Variants in PPM1H observed in about 807,000 individuals in gnomAD.
The protein encoded by PPM1H is protein phosphatase 1H.
Under a neutral mutation model 54.9 loss-of-function variants are expected in PPM1H, and 27 were observed. That is an observed-to-expected ratio of 0.49 (90% CI 0.36 to 0.68). The LOEUF (loss-of-function observed/expected upper bound fraction) is 0.68. PPM1H is among the 30% of genes least tolerant of loss of function. PPM1H has a pLI of 0.00. For missense variants in PPM1H, 596 were observed against 667.8 expected (o/e 0.89, Z 1.19); for synonymous variants, 305 against 270.8 (o/e 1.13, Z -1.24).
intron 1 of PPM1H, among the ~76,000 whole-genome samples, chr12:62,911,855 C>A (rs1303010175): frequency 6.6e-6 from 1 of 152,184 alleles, no homozygotes; most frequent in Non-Finnish European, 1.5e-5. Context: ...TTGGTTAGCC[C>A]TCTCATCCTG....
rs757417572 is a variant in PPM1H, at chr12:62,648,605, G to C, written c.1429C>G (p.Arg477Gly). The change falls in exon 10 of 10, where the codon CGT becomes GGT. Residue 477 changes from arginine (R) to glycine (G), a missense_variant. Coordinates refer to ENST00000228705, the MANE Select transcript of PPM1H (RefSeq NM_020700.2). ...YTLAAQDLVM[R>G]ARGVLKDRGW... The stretch of plus-strand genomic sequence containing the variant: ...CTGTCCTTCAGCACACCCCGGGCAC[G>C]CATCACCAGGTCCTGAGCTGCCAGT... The C allele has an allele frequency of 6.2e-7, 1 of 1,613,904 alleles. No homozygotes were observed. The highest frequency in any genetic ancestry group is 8.5e-7 in the Non-Finnish European group (1 of 1,179,850).
intron 1 of PPM1H, among the ~76,000 whole-genome samples, chr12:62,861,984 C>CCAAATAATGCTTATGTG (rs1277961673): frequency 6.6e-6 from 1 of 152,178 alleles, no homozygotes; most frequent in East Asian, 1.9e-4. Flanking sequence ...CTGGCCCAAA[C>CCAAATAATGCTTATGTG]CAAATAATGC....
chr12:62,820,261 T>G lies in PPM1H; in HGVS notation c.411+11853A>C, dbSNP rs568045698. On this transcript the variant is annotated intron_variant, in intron 2 of 9. Transcript: ENST00000228705. ...ACAAAGCGGCTGGGGAAGCTCGAAC[T>G]GGGCAGAGCCCACCACAGCTCTGCA... 3.9e-5 allele frequency among the ~76,000 whole-genome samples: 6 copies of G among 152,344 alleles called. 1 individual carries two copies. Among genetic ancestry groups the G allele is most frequent in the African/African-American group, 1.4e-4 (6 of 41,588 alleles).
chr12:62,888,074 G>A (rs1870654881), intron 1 of PPM1H, among the ~76,000 whole-genome samples: 1 of 152,144 alleles, frequency 6.6e-6, no homozygotes, highest in East Asian at 1.9e-4. Context: ...GCAGTTAGGA[G>A]TCCAGAAGAG....
At chr12:62,756,871 A>G (rs1384358448) in intron 4 of PPM1H, among the ~76,000 whole-genome samples, 2 of 152,150 alleles carry the variant, frequency 1.3e-5, no homozygotes, top group East Asian at 3.9e-4. Flanking sequence ...GGACCTAGGA[A>G]AGCTGACTTG....
intron 3 of PPM1H, among the ~76,000 whole-genome samples, chr12:62,789,110 G>A (rs1592599697): frequency 6.6e-6 from 1 of 152,238 alleles, no homozygotes; most frequent in East Asian, 1.9e-4. Context: ...TGACCTCCTG[G>A]GCTCAAGCCT....
At position 62,889,095 on chromosome 12, in the gene PPM1H, A is replaced by C. The variant is rs565804728; in HGVS notation, c.245+45397T>G. ...AGGCCCAAGAGTTAGCTGCCTGTCC[A>C]CCTGCAGTCTTAACCCACTTCCATT... On this transcript the variant is annotated intron_variant, in intron 1 of 9. Transcript: ENST00000228705. 2.8e-4 allele frequency among the ~76,000 whole-genome samples: 42 copies of C among 152,162 alleles called. 1 individual carries two copies. Among genetic ancestry groups the C allele is most frequent in the Non-Finnish European group, 4.0e-4 (27 of 68,028 alleles).
intron 2 of PPM1H, among the ~76,000 whole-genome samples, chr12:62,830,805 A>C (rs577194372): frequency 1.3e-5 from 2 of 152,328 alleles, no homozygotes; most frequent in East Asian, 3.9e-4. Context: ...TAACAAAATA[A>C]ATCAATACTT....
Position 62,934,312 on chromosome 12 carries a change from G to A in PPM1H, c.245+180C>T, listed in dbSNP as rs886297291. On this transcript the variant is annotated intron_variant, in intron 1 of 9. Coordinates refer to ENST00000228705, the MANE Select transcript of PPM1H (RefSeq NM_020700.2). The surrounding 1 kb of genome is among the most constrained non-coding windows in gnomAD (Gnocchi z 4.2). ...GAGACGCCGCGTCCTTGGGCTGGGG[G>A]AAGAGGGAGTGGGGAGAAGAGGGAA... Among the ~76,000 whole-genome samples, 17 of 152,330 alleles carry A rather than the reference G, an allele frequency of 1.1e-4. No individual in the cohort carries two copies. The East Asian group carries it at 1.5e-3, about 14-fold the overall frequency.
intron 5 of PPM1H, among the ~76,000 whole-genome samples, chr12:62,736,163 C>G (rs1310411522): frequency 1.3e-5 from 2 of 152,194 alleles, no homozygotes; most frequent in Non-Finnish European, 2.9e-5. Context: ...CTAGCTATAA[C>G]GAATTCTACT....
intron 4 of PPM1H, among the ~76,000 whole-genome samples, chr12:62,768,296 C>T (rs2076556353): frequency 6.6e-6 from 1 of 152,008 alleles, no homozygotes; most frequent in African/African-American, 2.4e-5. Context: ...CACATTGGGA[C>T]AGAATTGAGG....
In PPM1H at chr12:62,911,108, AG is replaced by A. The variant is rs1175976954; in HGVS notation, c.245+23383del. On this transcript the variant is annotated intron_variant, in intron 1 of 9. Coordinates refer to ENST00000228705, the MANE Select transcript of PPM1H (RefSeq NM_020700.2). ...AAGCAAATCAGCTAAAAACCTGAAAAGCTAGAAGTAATGTAAATTACTGGTA... is the reference window on the plus strand; with the variant it reads ...AAGCAAATCAGCTAAAAACCTGAAAACTAGAAGTAATGTAAATTACTGGTA... Among the ~76,000 whole-genome samples the A allele has an allele frequency of 2.0e-5, 3 of 152,288 alleles. No individual in the cohort carries two copies. In the East Asian group the frequency reaches 5.8e-4, roughly 29 times the overall value.
chr12:62,813,520 C>T (rs542312331), intron 2 of PPM1H, among the ~76,000 whole-genome samples: 2 of 152,220 alleles, frequency 1.3e-5, no homozygotes, highest in South Asian at 4.2e-4. Context: ...GACCTGTGCC[C>T]CTAACTGGTG....
chr12:62,693,996 T>C lies in PPM1H; in HGVS notation c.1077A>G (p.Ala359=). The change falls in exon 7 of 10, where the codon GCA becomes GCG. Residue 359 remains alanine (A), a synonymous_variant. Coordinates refer to ENST00000228705, the MANE Select transcript of PPM1H (RefSeq NM_020700.2). ...AGTCCTCATCCTCAATGGTTTTGTA[T>C]GCCCTGTAGGGGATAAACAACATTT... is the stretch of plus-strand genomic sequence containing the variant. ...LYRDFNMTGW[A]YKTIEDEDLK... 6.2e-7 allele frequency: 1 copy of C among 1,612,364 alleles called. No individual in the cohort carries two copies. The highest frequency in any genetic ancestry group is 1.3e-5 in the African/African-American group (1 of 75,044).
chr12:62,885,581 G>A (rs1174325630), intron 1 of PPM1H, among the ~76,000 whole-genome samples: 3 of 151,998 alleles, frequency 2.0e-5, no homozygotes, highest in African/African-American at 7.3e-5. Context: ...ACACTCAAGG[G>A]GATTACACAG....
chr12:62,794,675 C>T (rs2076721849), intron 3 of PPM1H, among the ~76,000 whole-genome samples: 1 of 152,148 alleles, frequency 6.6e-6, no homozygotes, highest in Non-Finnish European at 1.5e-5. Flanking sequence ...CAAAGGCTTC[C>T]TGTAACTAAC....
chr12:62,691,810 CAAAAA>C (rs34984420), intron 7 of PPM1H, among the ~76,000 whole-genome samples: 1 of 127,830 alleles, frequency 7.8e-6, no homozygotes. Context: ...TGCCATGTCT[CAAAAA>C]AAAAAAAAAA....
chr12:62,737,225 A>C (rs900170849), intron 5 of PPM1H, among the ~76,000 whole-genome samples: 6 of 151,052 alleles, frequency 4.0e-5, no homozygotes, highest in African/African-American at 1.5e-4. Context: ...ATTAAAAAAA[A>C]AAAAAAACAA....
rs1213624162 is a variant in PPM1H at position 62,647,293 on chromosome 12, A to G, written c.*1196T>C. ...CAGCATGAGAATGGCCAGTCAACCC[A>G]TTTCAAATTCTTTTATTAAAGTGCC... is the stretch of plus-strand genomic sequence containing the variant. On this transcript the variant is annotated 3_prime_UTR_variant, in exon 10 of 10. Coordinates refer to ENST00000228705, the MANE Select transcript of PPM1H (RefSeq NM_020700.2). 1.3e-5 allele frequency: 2 copies of G among 152,220 alleles called. No individual in the cohort carries two copies. The highest frequency in any genetic ancestry group is 2.9e-5 in the Non-Finnish European group (2 of 68,062). The allele number at this position is 152,220 out of a possible 1,614,324, so 9.4% of individuals were successfully genotyped here.
Sources: gnomAD v4.1 joint callset for allele counts (sites outside exome capture counted in the v4.1 genomes callset) on GRCh38, gnomAD v4.1.1 for gene constraint, Gnocchi (gnomAD v3.1) non-coding constraint, MANE v1.5 for transcripts, NCBI Gene and HGNC (gene_info 2026-07-23, HGNC 2026-07-21) for gene names.